Variants in MYT1 observed in about 807,000 individuals in gnomAD.
MYT1 encodes myelin transcription factor I.
A neutral mutation model predicts 123.0 loss-of-function variants in MYT1; 23 were observed. That is an observed-to-expected ratio of 0.19 (90% CI 0.13 to 0.26). The LOEUF is 0.26. Among genes scored for constraint, MYT1 ranks in the 10% least tolerant of loss-of-function variants. The pLI, the probability that MYT1 is intolerant of heterozygous loss-of-function variation, is 1.00. For synonymous variants in MYT1, 518 were observed against 575.3 expected (o/e 0.90, Z 1.43); for missense variants, 1,125 against 1,472.5 (o/e 0.76, Z 3.86).
chr20:64,214,105 C>T (rs1310580554), intron 10 of MYT1, among the ~76,000 whole-genome samples: 8 of 152,222 alleles, frequency 5.3e-5, no homozygotes, highest in Admixed American at 3.9e-4. Context: ...CCCTCCCCGA[C>T]CCCAGGGATA....
At chr20:64,176,637 C>T (rs538734532) in intron 1 of MYT1, among the ~76,000 whole-genome samples, 22 of 152,344 alleles carry the variant, frequency 1.4e-4, no homozygotes, top group African/African-American at 4.1e-4. Flanking sequence ...AGGATGTTCT[C>T]GCCCCAGAAG....
rs144916748 is a variant in MYT1 at position 64,192,921 on chromosome 20, G to T, written c.-1+2761G>T. 1.3e-5 allele frequency among the ~76,000 whole-genome samples: 2 copies of T among 152,324 alleles called. No homozygotes were observed. The highest frequency in any genetic ancestry group is 2.9e-5 in the Non-Finnish European group (2 of 68,046). On this transcript the variant is annotated intron_variant, in intron 2 of 22. Coordinates refer to ENST00000328439, the MANE Select transcript of MYT1 (RefSeq NM_004535.3). The surrounding 1 kb of genome is among the most constrained non-coding windows in gnomAD (Gnocchi z 5.3). ...ATGCTGGAGTTTTTAACAGACGGTT[G>T]CAGATATGGCTGCTTCATCAGGGTA...
chr20:64,208,066 G>A lies in MYT1; in HGVS notation c.870G>A (p.Glu290=), dbSNP rs1296977224. 2.4e-5 allele frequency: 39 copies of A among 1,602,844 alleles called. No individual in the cohort carries two copies. The highest frequency in any genetic ancestry group is 3.1e-5 in the Non-Finnish European group (37 of 1,174,602). Residue 290 remains glutamate, a synonymous_variant, in exon 7 of 23, where the codon GAG becomes GAA. Transcript: ENST00000328439. The surrounding 1 kb of genome is among the most constrained non-coding windows in gnomAD (Gnocchi z 5.4). ...EEEEEEEEEE[E]EEEEEEEEEE... ...AGGAGGAAGAGGAAGAGGAGGAGGA[G>A]GAAGAGGAAGAGGAGGAGGAAGAGG...
At chr20:64,209,422 A>G (rs907949729) in intron 7 of MYT1, among the ~76,000 whole-genome samples, 2 of 152,202 alleles carry the variant, frequency 1.3e-5, no homozygotes, top group South Asian at 2.1e-4. Flanking sequence ...GCACCTGGGC[A>G]CTTGGCCTCT....
chr20:64,168,218 G>A lies in MYT1; in HGVS notation c.-99+3479G>A, dbSNP rs1053028289. On this transcript the variant is annotated intron_variant, in intron 1 of 22. Coordinates refer to ENST00000328439, the MANE Select transcript of MYT1 (RefSeq NM_004535.3). This position sits in a 1 kb window ranked among gnomAD's most constrained non-coding sequence, Gnocchi z 6.1. ...AATGTTTTTGATCTCAGGCTTCCAC[G>A]GAGCCAGCTTCAGAGAGAAGAGATT... Among the ~76,000 whole-genome samples, 2 of 152,218 alleles carry A rather than the reference G, an allele frequency of 1.3e-5. No homozygotes were observed. Among genetic ancestry groups the A allele is most frequent in the African/African-American group, 2.4e-5 (1 of 41,440 alleles).
At position 64,236,710 on chromosome 20, in the gene MYT1, A is replaced by G. The variant is rs111912539; in HGVS notation, c.2989+64A>G. 2.2e-4 allele frequency: 311 copies of G among 1,408,538 alleles called. 4 individuals are homozygous for G. The highest frequency in any genetic ancestry group is 1.8e-3 in the African/African-American group (125 of 70,938). 87.3% of individuals were successfully genotyped at this position (1,408,538 alleles called of 1,614,324 possible). Reference sequence around the variant, plus strand: ...GTGCCAGGGTAAGTGAGAGCTGTGCACCTTTTGTGCTGGTGGGAAGAAGGT... The same window carrying G: ...GTGCCAGGGTAAGTGAGAGCTGTGCGCCTTTTGTGCTGGTGGGAAGAAGGT... On this transcript the variant is annotated intron_variant, in intron 20 of 22. Coordinates refer to ENST00000328439, the MANE Select transcript of MYT1 (RefSeq NM_004535.3).
Position 64,212,082 on chromosome 20 carries a change from C to T in MYT1, c.1461C>T (p.Pro487=), listed in dbSNP as rs534707722. The T allele has an allele frequency of 1.2e-6, 2 of 1,613,934 alleles. No homozygotes were observed. The highest frequency in any genetic ancestry group is 1.3e-5 in the African/African-American group (1 of 75,026). The part of the protein sequence containing the change: ...LAMHENVLKC[P]TPGCTGQGHV... ...TGCATGAGAACGTGCTGAAGTGCCC[C>T]ACTCCTGGCTGCACAGGCCAGGGTC... is the stretch of plus-strand genomic sequence containing the variant. Residue 487 remains proline (P), a synonymous_variant, in exon 9 of 23, where the codon CCC becomes CCT. Transcript: ENST00000328439. This position sits in a 1 kb window ranked among gnomAD's most constrained non-coding sequence, Gnocchi z 6.8.
intron 1 of MYT1, among the ~76,000 whole-genome samples, chr20:64,182,727 G>A (rs1982689278): frequency 6.6e-6 from 1 of 152,236 alleles, no homozygotes; most frequent in East Asian, 1.9e-4. Flanking sequence ...CCAGTTTGGG[G>A]TTGAGGCGCA....
At position 64,213,639 on chromosome 20, in the gene MYT1, G is replaced by T. The variant is rs145461122; in HGVS notation, c.1623G>T (p.Arg541=). Residue 541 remains arginine (R), a synonymous_variant, in exon 10 of 23, where the codon CGG becomes CGT. Transcript: ENST00000328439. This position sits in a 1 kb window ranked among gnomAD's most constrained non-coding sequence, Gnocchi z 5.6. The part of the protein sequence containing the change: ...DPSKSSSNSD[R]ILRPMCFVKQ... Reference sequence around the variant, plus strand: ...CCAAGAGTAGCTCCAATTCCGATCGGATCCTCAGGTGAGTGAGATGAGCCA... The same window carrying T: ...CCAAGAGTAGCTCCAATTCCGATCGTATCCTCAGGTGAGTGAGATGAGCCA... 1.4e-3 allele frequency: 2,189 copies of T among 1,613,668 alleles called. 20 individuals carry two copies. The East Asian group carries it at 0.024, about 17-fold the overall frequency.
chr20:64,205,154 C>T, intron 5 of MYT1, 57 bp downstream of exon 5: 2 of 1,572,024 alleles, frequency 1.3e-6, no homozygotes, highest in East Asian at 2.2e-5. Context: ...GGAGCCCCTG[C>T]CCACTCTGCA....
In MYT1 at chr20:64,213,782, C is replaced by T; in HGVS notation, c.1631+135C>T. On this transcript the variant is annotated intron_variant, in intron 10 of 22. Transcript: ENST00000328439. The surrounding 1 kb of genome is among the most constrained non-coding windows in gnomAD (Gnocchi z 5.6). ...GTGTACGTGCATGTGAGTGTACGTGCATGTGAGTGTGCACATGCCCCGGGC... is the reference window on the plus strand; with the variant it reads ...GTGTACGTGCATGTGAGTGTACGTGTATGTGAGTGTGCACATGCCCCGGGC... 1 of 748,584 alleles carries T rather than the reference C, an allele frequency of 1.3e-6. No homozygotes were observed. Among genetic ancestry groups the T allele is most frequent in the South Asian group, 1.7e-5 (1 of 58,198 alleles). 46.4% of individuals were successfully genotyped at this position (748,584 alleles called of 1,614,324 possible).
Position 64,186,211 on chromosome 20 carries a change from C to CCTTGAGCAGGCA in MYT1, c.-98-3851_-98-3840dup, listed in dbSNP as rs1356899021. Among the ~76,000 whole-genome samples the CCTTGAGCAGGCA allele has an allele frequency of 6.6e-6, 1 of 152,092 alleles. No individual in the cohort carries two copies. Among genetic ancestry groups the CCTTGAGCAGGCA allele is most frequent in the Non-Finnish European group, 1.5e-5 (1 of 68,020 alleles). On this transcript the variant is annotated intron_variant, in intron 1 of 22. Coordinates refer to ENST00000328439, the MANE Select transcript of MYT1 (RefSeq NM_004535.3). This position sits in a 1 kb window ranked among gnomAD's most constrained non-coding sequence, Gnocchi z 4.3. ...ACCATGGGGACAGATGTGGGGGTTA[C>CCTTGAGCAGGCA]CTTGAGCAGGCAGGACTCCAGGTGC...
rs1184316764 is a variant in MYT1, at chr20:64,191,465, C to CT, written c.-1+1311dup. 6.6e-6 allele frequency: 1 copy of CT among 152,234 alleles called. No homozygotes were observed. Among genetic ancestry groups the CT allele is most frequent in the Non-Finnish European group, 1.5e-5 (1 of 68,056 alleles). 9.4% of individuals were successfully genotyped at this position (152,234 alleles called of 1,614,324 possible). A position where few individuals can be genotyped will look rare whatever the true frequency, so the allele number is the denominator to read the frequency against. ...TCCCAGAGATCCGATTCTGACCTCT[C>CT]TTTTTTCTTTTTTGCATGTAGATGC... On this transcript the variant is annotated intron_variant, in intron 2 of 22. Coordinates refer to ENST00000328439, the MANE Select transcript of MYT1 (RefSeq NM_004535.3). The surrounding 1 kb of genome is among the most constrained non-coding windows in gnomAD (Gnocchi z 4.1).
intron 10 of MYT1, among the ~76,000 whole-genome samples, chr20:64,215,595 A>T (rs1292292296): frequency 6.6e-6 from 1 of 151,690 alleles, no homozygotes; most frequent in Non-Finnish European, 1.5e-5. Flanking sequence ...TATTATTATT[A>T]TTTTTAGTGA....
intron 16 of MYT1, among the ~76,000 whole-genome samples, chr20:64,226,359 G>A (rs1356917560): frequency 3.3e-5 from 5 of 152,254 alleles, no homozygotes; most frequent in African/African-American, 4.8e-5. Flanking sequence ...TCCTCCAAGC[G>A]AGGAGATGTC....
chr20:64,181,118 T>C (rs1490435418), intron 1 of MYT1, among the ~76,000 whole-genome samples: 2 of 152,170 alleles, frequency 1.3e-5, no homozygotes, highest in Non-Finnish European at 2.9e-5. Flanking sequence ...GTTTTGTTTG[T>C]GACTTTTTCC....
chr20:64,198,742 C>A, intron 2 of MYT1, 120 bp from the exon 3 acceptor site: 1 of 1,067,314 alleles, frequency 9.4e-7, no homozygotes. Context: ...TCATTCTGTG[C>A]CCAAAATCAC....
At position 64,170,872 on chromosome 20, in the gene MYT1, TATATATATATATAGAG is replaced by T. The variant is rs1188150966; in HGVS notation, c.-99+6135_-99+6150del. Among the ~76,000 whole-genome samples, 5 of 62,482 alleles carry T rather than the reference TATATATATATATAGAG, an allele frequency of 8.0e-5. No homozygotes were observed. In the Admixed American group the frequency reaches 8.8e-4, roughly 11 times the overall value. The allele number at this position is 62,482 out of a possible 152,430, so 41.0% of individuals were successfully genotyped here. ...TCATATATATATATATATATATATATATATATATATATAGAGAGAGAGAGAGAGAGAGAGAGAGAGA... is the reference window on the plus strand; with the variant it reads ...TCATATATATATATATATATATATATAGAGAGAGAGAGAGAGAGAGAGAGA... On this transcript the variant is annotated intron_variant, in intron 1 of 22. Coordinates refer to ENST00000328439, the MANE Select transcript of MYT1 (RefSeq NM_004535.3).
intron 1 of MYT1, among the ~76,000 whole-genome samples, chr20:64,182,148 GA>G (rs1982671174): frequency 6.6e-6 from 1 of 152,152 alleles, no homozygotes; most frequent in South Asian, 2.1e-4. Context: ...GGAGAAGCAG[GA>G]AAAAAGTTTT....
Sources: gnomAD v4.1 joint callset for allele counts (sites outside exome capture counted in the v4.1 genomes callset) on GRCh38, gnomAD v4.1.1 for gene constraint, Gnocchi (gnomAD v3.1) non-coding constraint, MANE v1.5 for transcripts, NCBI Gene and HGNC (gene_info 2026-07-23, HGNC 2026-07-21) for gene names.